PTPRN2: variants seen among roughly 807,000 people sequenced by gnomAD.
The protein encoded by PTPRN2 is protein tyrosine phosphatase receptor type N2.
Under a neutral mutation model 118.8 loss-of-function variants are expected in PTPRN2, and 74 were observed. The observed-to-expected ratio is 0.62, with a 90% CI of 0.52 to 0.76. PTPRN2 has a LOEUF of 0.76. Ranked by LOEUF, PTPRN2 falls within the 30% of genes least tolerant of loss-of-function variation. PTPRN2 has a pLI of 0.00. For missense variants in PTPRN2, 1,481 were observed against 1,394.4 expected, an observed-to-expected ratio of 1.06 and a Z score of -0.99; for synonymous variants, 641 against 608.0, an observed-to-expected ratio of 1.05 and a Z score of -0.80.
chr7:158,440,820 AGTGGTGGTGG>A, intron 2 of PTPRN2, among the ~76,000 whole-genome samples: 1 of 89,916 alleles, frequency 1.1e-5, no homozygotes, highest in Middle Eastern at 8.1e-3. Flanking sequence ...TGGTAGTAGT[AGTGGTGGTGG>A]TGGTGATGGC....
chr7:158,235,270 T>C (rs546588583), intron 3 of PTPRN2, among the ~76,000 whole-genome samples: 2 of 152,314 alleles, frequency 1.3e-5, no homozygotes, highest in South Asian at 2.1e-4. Context: ...AGGAAATCAA[T>C]ATATCAAAGA....
chr7:158,257,954 G>A lies in PTPRN2; in HGVS notation c.278-52681C>T, dbSNP rs557705164. Among the ~76,000 whole-genome samples the A allele has an allele frequency of 4.1e-4, 63 of 152,360 alleles. 1 individual carries two copies. Among genetic ancestry groups the A allele is most frequent in the Admixed American group, 1.2e-3 (18 of 15,308 alleles). ...TGCCTCAGCTCATCACATGAGCTGA[G>A]AGTGGGATGGGTCTCATCATAGCTA... On this transcript the variant is annotated intron_variant, in intron 3 of 22. Transcript: ENST00000389418.
At chr7:158,500,992 G>A (rs1296986991) in intron 1 of PTPRN2, among the ~76,000 whole-genome samples, 2 of 152,278 alleles carry the variant, frequency 1.3e-5, no homozygotes, top group African/African-American at 4.8e-5. Flanking sequence ...CGTCCGCTGG[G>A]AGCTGGGCTC....
At chr7:157,633,628 G>C (rs1804103877) in intron 14 of PTPRN2, among the ~76,000 whole-genome samples, 1 of 152,184 alleles carries the variant, frequency 6.6e-6, no homozygotes, top group African/African-American at 2.4e-5. Flanking sequence ...TAAACTCTCA[G>C]AGCCATGGGC....
At chr7:158,527,034 A>G (rs1432750671) in intron 1 of PTPRN2, among the ~76,000 whole-genome samples, 2 of 152,134 alleles carry the variant, frequency 1.3e-5, no homozygotes, top group Admixed American at 1.3e-4. Flanking sequence ...GTTTGTGACA[A>G]ATATCACCAG....
intron 11 of PTPRN2, among the ~76,000 whole-genome samples, chr7:157,932,509 C>T (rs1191225655): frequency 1.3e-5 from 2 of 152,110 alleles, no homozygotes; most frequent in South Asian, 2.1e-4. Flanking sequence ...GGGTGACTCA[C>T]TTGAATTGAC....
At chr7:158,068,649 A>C (rs1321694606) in intron 11 of PTPRN2, among the ~76,000 whole-genome samples, 3 of 152,182 alleles carry the variant, frequency 2.0e-5, no homozygotes, top group Non-Finnish European at 2.9e-5. Context: ...CTTCATTCTA[A>C]ACAGAAATGC....
intron 14 of PTPRN2, among the ~76,000 whole-genome samples, chr7:157,650,695 T>G (rs1667082622): frequency 6.6e-6 from 1 of 152,196 alleles, no homozygotes. Context: ...GCACTGGGTC[T>G]GAAGGTGGAG....
At chr7:158,201,489 G>A (rs1360888036) in intron 4 of PTPRN2, among the ~76,000 whole-genome samples, 1 of 152,126 alleles carries the variant, frequency 6.6e-6, no homozygotes, top group Non-Finnish European at 1.5e-5. Context: ...GCAATACCTG[G>A]AAATTGCCCT....
At chr7:158,407,260 CTGGGT>C (rs1813610159) in intron 2 of PTPRN2, among the ~76,000 whole-genome samples, 1 of 78,324 alleles carries the variant, frequency 1.3e-5, no homozygotes, top group African/African-American at 5.7e-5. Context: ...GTCCTGGGTC[CTGGGT>C]CCTGGGTCCT....
chr7:158,183,136 G>A (rs1010609750), intron 5 of PTPRN2, among the ~76,000 whole-genome samples: 12 of 152,124 alleles, frequency 7.9e-5, no homozygotes, highest in Non-Finnish European at 1.3e-4. Context: ...CCATTTGCAT[G>A]GAATATATTT....
Position 157,629,971 on chromosome 7 carries a change from G to A in PTPRN2, c.2197-8462C>T, listed in dbSNP as rs1803837502. On this transcript the variant is annotated intron_variant, in intron 14 of 22. Transcript: ENST00000389418. This position sits in a 1 kb window ranked among gnomAD's most constrained non-coding sequence, Gnocchi z 4.4. ...TGCTTCCACTGCCACTTGGGGAAAT[G>A]ATGACCTTTTCTTTCTTTAAAAATA... Among the ~76,000 whole-genome samples the A allele has an allele frequency of 6.6e-6, 1 of 152,232 alleles. No homozygotes were observed. The highest frequency in any genetic ancestry group is 2.4e-5 in the African/African-American group (1 of 41,462).
chr7:157,689,864 G>A (rs575681618), intron 12 of PTPRN2, among the ~76,000 whole-genome samples: 33 of 140,698 alleles, frequency 2.3e-4, no homozygotes, highest in African/African-American at 7.4e-4. Context: ...GCCGCCCGCT[G>A]GGATACTCCC....
intron 18 of PTPRN2, among the ~76,000 whole-genome samples, chr7:157,577,097 C>G (rs1382600418): frequency 1.3e-5 from 2 of 152,118 alleles, no homozygotes; most frequent in Non-Finnish European, 1.5e-5. Flanking sequence ...TACATAAACC[C>G]TCAAAAAAAG....
intron 3 of PTPRN2, among the ~76,000 whole-genome samples, chr7:158,227,461 G>A (rs925260241): frequency 2.0e-5 from 3 of 152,154 alleles, no homozygotes; most frequent in Non-Finnish European, 4.4e-5. Context: ...AAATATGAAC[G>A]TGGTCAGGGT....
chr7:157,950,915 G>C (rs1800775796), intron 11 of PTPRN2, among the ~76,000 whole-genome samples: 1 of 152,174 alleles, frequency 6.6e-6, no homozygotes, highest in African/African-American at 2.4e-5. Context: ...CCCTATAAGA[G>C]AGTGGCTCCT....
intron 3 of PTPRN2, among the ~76,000 whole-genome samples, chr7:158,206,794 T>C (rs1175793076): frequency 1.3e-5 from 2 of 151,798 alleles, no homozygotes; most frequent in African/African-American, 2.4e-5. Context: ...CTTTTCTTTT[T>C]TTTTTTTAAT....
At chr7:158,071,455 T>TGGAG (rs1563391445) in intron 11 of PTPRN2, among the ~76,000 whole-genome samples, 7 of 72,442 alleles carry the variant, frequency 9.7e-5, no homozygotes, top group Non-Finnish European at 1.5e-4. Context: ...GTGCTCGTGG[T>TGGAG]TGAGGTGCTC....
chr7:158,062,818 G>A (rs1810454935), intron 11 of PTPRN2, among the ~76,000 whole-genome samples: 1 of 152,210 alleles, frequency 6.6e-6, no homozygotes. Flanking sequence ...ATGGGGCAGG[G>A]CGCGGGATCT....
Sources: gnomAD v4.1 joint callset for allele counts (sites outside exome capture counted in the v4.1 genomes callset) on GRCh38, gnomAD v4.1.1 for gene constraint, Gnocchi (gnomAD v3.1) non-coding constraint, MANE v1.5 for transcripts, NCBI Gene and HGNC (gene_info 2026-07-23, HGNC 2026-07-21) for gene names.